The following POLA1 variants were observed in gnomAD, a reference collection of about 807,000 sequenced individuals.
POLA1 encodes the protein DNA polymerase alpha catalytic subunit.
POLA1 carries 15 observed loss-of-function variants against 124.0 expected under a neutral mutation model. That is an observed-to-expected ratio of 0.12 (90% CI 0.08 to 0.19). POLA1 has a LOEUF of 0.19. Among genes scored for constraint, POLA1 ranks in the 10% least tolerant of loss-of-function variants. POLA1 has a pLI of 1.00. For missense variants in POLA1, 886 were observed against 1,103.4 expected (o/e 0.80, Z 2.79); for synonymous variants, 408 against 389.4 (o/e 1.05, Z -0.56).
intron 36 of POLA1, among the ~76,000 whole-genome samples, chrX:24,953,545 G>C (rs1432956886): frequency 1.8e-5 from 2 of 111,994 alleles, no homozygotes; most frequent in Non-Finnish European, 3.8e-5. Flanking sequence ...TCTACACCAG[G>C]GGAACAACCA....
intron 34 of POLA1, among the ~76,000 whole-genome samples, chrX:24,850,049 A>G (rs1296648530): frequency 3.6e-5 from 4 of 112,393 alleles, no homozygotes; most frequent in Non-Finnish European, 7.5e-5. Flanking sequence ...TTGAGATTAC[A>G]GGCGTGAGCC....
chrX:24,846,101 C>T (rs2046473190), intron 34 of POLA1, among the ~76,000 whole-genome samples: 1 of 112,194 alleles, frequency 8.9e-6, no homozygotes, highest in Non-Finnish European at 1.9e-5. Flanking sequence ...ACATCACATT[C>T]TGTTACCTTC....
intron 26 of POLA1, among the ~76,000 whole-genome samples, chrX:24,795,372 G>A (rs769232586): frequency 9.0e-6 from 1 of 111,648 alleles, no homozygotes. Context: ...CCAGTCTCCT[G>A]TGAATTTGTA....
intron 6 of POLA1, among the ~76,000 whole-genome samples, chrX:24,715,464 T>G (rs2148342580): frequency 9.0e-6 from 1 of 110,792 alleles, no homozygotes; most frequent in African/African-American, 3.3e-5. Context: ...CCGGCTAATA[T>G]TTTGTATTTT....
At chrX:24,797,311 CTTA>C (rs2045625186) in intron 26 of POLA1, among the ~76,000 whole-genome samples, 1 of 110,824 alleles carries the variant, frequency 9.0e-6, no homozygotes, top group African/African-American at 3.3e-5. Flanking sequence ...TTTTTTAAAA[CTTA>C]ATTTTTTTTT....
chrX:24,949,730 CT>C (rs202171051), intron 36 of POLA1, among the ~76,000 whole-genome samples: 24 of 100,887 alleles, frequency 2.4e-4, no homozygotes, highest in Admixed American at 1.5e-3. Flanking sequence ...CTTTTTTTCT[CT>C]TTTTTTTTCT....
intron 28 of POLA1, 33 bp from the exon 29 acceptor site, chrX:24,812,625 A>G: frequency 5.8e-6 from 5 of 855,431 alleles, no homozygotes; most frequent in Non-Finnish European, 6.8e-6. Context: ...TAGATGTTTG[A>G]GAAGCTAATA....
At chrX:24,756,449 G>C (rs1390993719) in intron 26 of POLA1, among the ~76,000 whole-genome samples, 1 of 109,321 alleles carries the variant, frequency 9.1e-6, no homozygotes, top group Non-Finnish European at 1.9e-5. Context: ...TGTAATCCTA[G>C]CTACTCAGGA....
At chrX:24,769,609 G>A (rs1328415439) in intron 26 of POLA1, among the ~76,000 whole-genome samples, 1 of 111,836 alleles carries the variant, frequency 8.9e-6, no homozygotes, top group Non-Finnish European at 1.9e-5. Context: ...AGGTGCCAAA[G>A]TTACAAGCCT....
intron 26 of POLA1, among the ~76,000 whole-genome samples, chrX:24,791,676 G>A (rs1274559264): frequency 8.9e-6 from 1 of 112,234 alleles, no homozygotes; most frequent in Non-Finnish European, 1.9e-5. Context: ...GAGCCACCAC[G>A]CCCGGCCTAT....
intron 35 of POLA1, among the ~76,000 whole-genome samples, chrX:24,911,850 A>G (rs2047453071): frequency 8.9e-6 from 1 of 112,304 alleles, no homozygotes; most frequent in Admixed American, 9.4e-5. Context: ...TGAAAACCAT[A>G]AACCCTAAAA....
At chrX:24,908,178 A>G (rs997160276) in intron 35 of POLA1, among the ~76,000 whole-genome samples, 5 of 111,468 alleles carry the variant, frequency 4.5e-5, no homozygotes, top group Non-Finnish European at 1.9e-5. Context: ...TTTTTTAATG[A>G]TGCAACTCTA....
intron 8 of POLA1, 78 bp from the exon 9 acceptor site, chrX:24,717,212 T>C: frequency 1.2e-6 from 1 of 841,755 alleles, no homozygotes. Context: ...GATAAGCCTT[T>C]GTGCGCCTTT....
intron 20 of POLA1, among the ~76,000 whole-genome samples, chrX:24,740,361 C>G (rs994853581): frequency 4.5e-5 from 5 of 111,330 alleles, no homozygotes; most frequent in Non-Finnish European, 9.4e-5. Context: ...CACTTCTTTT[C>G]AACTGCATTG....
At chrX:24,754,133 G>T (rs1246760069) in intron 26 of POLA1, among the ~76,000 whole-genome samples, 1 of 112,076 alleles carries the variant, frequency 8.9e-6, no homozygotes, top group African/African-American at 3.2e-5. Flanking sequence ...TGATGTTGGT[G>T]ATGAAAGAGA....
At chrX:24,934,121 G>A (rs1039310101) in intron 36 of POLA1, among the ~76,000 whole-genome samples, 3 of 111,875 alleles carry the variant, frequency 2.7e-5, no homozygotes, top group East Asian at 2.8e-4. Context: ...GCCTCATCCC[G>A]TGGTGCCTTG....
chrX:24,904,498 TGA>T (rs1301191851), intron 35 of POLA1, among the ~76,000 whole-genome samples: 1 of 108,809 alleles, frequency 9.2e-6, no homozygotes, highest in Non-Finnish European at 1.9e-5. Flanking sequence ...GAAGCTGCAG[TGA>T]GAGTCAGCAG....
intron 35 of POLA1, among the ~76,000 whole-genome samples, chrX:24,922,516 GGGTCTTAAA>G (rs779430924): frequency 1.8e-5 from 2 of 111,415 alleles, no homozygotes; most frequent in East Asian, 5.6e-4. Flanking sequence ...TAATACATTG[GGGTCTTAAA>G]GGTCTTAAAA....
chrX:24,732,177 A>G (rs1164474092), intron 15 of POLA1, among the ~76,000 whole-genome samples, 193 bp from the exon 16 acceptor site: 1 of 109,773 alleles, frequency 9.1e-6, no homozygotes, highest in Non-Finnish European at 1.9e-5. Flanking sequence ...CTCGTCTCGA[A>G]CTCCTGACCT....
Sources: gnomAD v4.1 joint callset for allele counts (sites outside exome capture counted in the v4.1 genomes callset) on GRCh38, gnomAD v4.1.1 for gene constraint, MANE v1.5 for transcripts, NCBI Gene and HGNC (gene_info 2026-07-23, HGNC 2026-07-21) for gene names.